CADPS: variants seen among roughly 807,000 people sequenced by gnomAD.
CADPS encodes the protein calcium-dependent secretion activator 1.
In CADPS, 57 loss-of-function variants were observed where a neutral mutation model predicts 167.3. The ratio of observed to expected loss-of-function variants is 0.34; its 90% CI spans 0.28 to 0.42. CADPS has a LOEUF of 0.42. CADPS is among the 20% of genes least tolerant of loss of function. CADPS has a pLI of 1.00. For synonymous variants in CADPS, 676 were observed against 635.3 expected (o/e 1.06, Z -0.96); for missense variants, 1,414 against 1,738.1 (o/e 0.81, Z 3.32).
At chr3:62,541,423 A>C (rs577446944) in intron 11 of CADPS, among the ~76,000 whole-genome samples, 1 of 152,284 alleles carries the variant, frequency 6.6e-6, no homozygotes, top group Admixed American at 6.5e-5. Flanking sequence ...ACTGACTTCA[A>C]ACTAAGCTTG....
In CADPS at chr3:62,651,000, G is replaced by A. The variant is rs2069971647; in HGVS notation, c.1050C>T (p.Leu350=). The A allele has an allele frequency of 6.2e-7, 1 of 1,614,046 alleles. No individual in the cohort carries two copies. Among genetic ancestry groups the A allele is most frequent in the Non-Finnish European group, 8.5e-7 (1 of 1,180,004 alleles). Reference sequence around the variant, plus strand: ...CCGGCATGCTCTCCAAGTTGGCCATGAGCAGGTTGACAGATGACTTCAGCT... The same window carrying A: ...CCGGCATGCTCTCCAAGTTGGCCATAAGCAGGTTGACAGATGACTTCAGCT... ...IEELKSSVNL[L]MANLESMPVS... is the part of the protein sequence containing the mutation. Residue 350 remains leucine (L), a synonymous_variant, in exon 5 of 30, where the codon CTC becomes CTT. Coordinates refer to ENST00000383710, the MANE Select transcript of CADPS (RefSeq NM_003716.4).
chr3:62,417,504 T>C (rs1389056700), intron 28 of CADPS, among the ~76,000 whole-genome samples: 1 of 151,828 alleles, frequency 6.6e-6, no homozygotes, highest in Admixed American at 6.6e-5. Context: ...AGGCTGGTCT[T>C]GAACTCCTGG....
chr3:62,700,913 C>T (rs35759551), intron 3 of CADPS, among the ~76,000 whole-genome samples: 12,058 of 152,116 alleles, frequency 0.079, 631 homozygotes, highest in Non-Finnish European at 0.12. Context: ...CTGGAAGTCT[C>T]AGCCCAGGCT....
At position 62,704,864 on chromosome 3, in the gene CADPS, A is replaced by T. The variant is rs561925519; in HGVS notation, c.889-42470T>A. 1.3e-5 allele frequency among the ~76,000 whole-genome samples: 2 copies of T among 152,168 alleles called. 1 individual carries two copies. The highest frequency in any genetic ancestry group is 4.8e-5 in the African/African-American group (2 of 41,488). On this transcript the variant is annotated intron_variant, in intron 3 of 29. Transcript: ENST00000383710. Reference sequence around the variant, plus strand: ...GACAACTTTCCAAATCAATTAACGAATCACAGCATGGAAAGATCTCTTTCC... The same window carrying T: ...GACAACTTTCCAAATCAATTAACGATTCACAGCATGGAAAGATCTCTTTCC...
intron 6 of CADPS, among the ~76,000 whole-genome samples, chr3:62,636,362 C>T (rs114580547): frequency 2.3e-3 from 355 of 152,254 alleles, no homozygotes; most frequent in African/African-American, 8.2e-3. Flanking sequence ...ATGTTTCCAC[C>T]CAGACTGCAG....
chr3:62,412,628 G>C lies in CADPS; in HGVS notation c.3778-9443C>G, dbSNP rs1017721665. Among the ~76,000 whole-genome samples the C allele has an allele frequency of 1.3e-5, 2 of 152,036 alleles. No homozygotes were observed. The highest frequency in any genetic ancestry group is 4.8e-5 in the African/African-American group (2 of 41,406). ...AAAATGTGTAATAAGTAATTCTTTA[G>C]CATCAAAATTTCTAACGAATGATTA... On this transcript the variant is annotated intron_variant, in intron 28 of 29. Transcript: ENST00000383710. This position sits in a 1 kb window ranked among gnomAD's most constrained non-coding sequence, Gnocchi z 4.1.
At chr3:62,517,638 T>C (rs2069326059) in intron 14 of CADPS, among the ~76,000 whole-genome samples, 1 of 152,164 alleles carries the variant, frequency 6.6e-6, no homozygotes, top group South Asian at 2.1e-4. Flanking sequence ...AAGTGGGCTA[T>C]GTGATGTAAG....
At chr3:62,627,870 AT>A (rs2064414180) in intron 6 of CADPS, among the ~76,000 whole-genome samples, 3 of 152,120 alleles carry the variant, frequency 2.0e-5, no homozygotes, top group African/African-American at 7.2e-5. Flanking sequence ...AAGCCATTAT[AT>A]TTGAGGTCTC....
rs180994302 is a variant in CADPS, at chr3:62,731,350, T to C, written c.888+22091A>G. Among the ~76,000 whole-genome samples the C allele has an allele frequency of 5.9e-5, 9 of 152,142 alleles. No homozygotes were observed. In the East Asian group the frequency reaches 1.7e-3, roughly 29 times the overall value. Reference sequence around the variant, plus strand: ...GGAGCTGAGAGGGATGGCATAGAGGTGTAAGGCTGCTGCCTACTTTGGAGG... The same window carrying C: ...GGAGCTGAGAGGGATGGCATAGAGGCGTAAGGCTGCTGCCTACTTTGGAGG... On this transcript the variant is annotated intron_variant, in intron 3 of 29. Transcript: ENST00000383710.
At chr3:62,654,787 A>C (rs1165226018) in intron 4 of CADPS, among the ~76,000 whole-genome samples, 1 of 152,128 alleles carries the variant, frequency 6.6e-6, no homozygotes, top group Non-Finnish European at 1.5e-5. Context: ...GAACTTGGTA[A>C]GTGGGGAATT....
At chr3:62,787,676 C>T (rs901275722) in intron 1 of CADPS, among the ~76,000 whole-genome samples, 25 of 152,188 alleles carry the variant, frequency 1.6e-4, no homozygotes, top group South Asian at 6.2e-4. Flanking sequence ...GATTAAGGGT[C>T]TTCATTTTGG....
At chr3:62,681,587 C>T (rs1506750) in intron 3 of CADPS, among the ~76,000 whole-genome samples, 1 of 151,882 alleles carries the variant, frequency 6.6e-6, no homozygotes, top group Non-Finnish European at 1.5e-5. Flanking sequence ...CTTCTGAGGG[C>T]AGAAACTATA....
rs1446730517 is a variant in CADPS at position 62,585,269 on chromosome 3, G to A, written c.1493C>T (p.Thr498Ile). The A allele has an allele frequency of 1.2e-6, 2 of 1,613,830 alleles. No individual in the cohort carries two copies. Among genetic ancestry groups the A allele is most frequent in the Non-Finnish European group, 1.7e-6 (2 of 1,179,864 alleles). Residue 498 changes from threonine (T) to isoleucine (I), a missense_variant, in exon 8 of 30, where the codon ACA (threonine) becomes ATA (isoleucine). Around this residue, in one of 6 missense-constraint regions of CADPS, gnomAD observed 157 missense variants for 229.4 expected, o/e 0.68. Transcript: ENST00000383710. ...TTGGTCGGGGCAGTTTTTGGAGACT[G>A]TCATTTTGTGCCACTCTGACTGTTT... The part of the protein sequence containing the change: ...SPKQSEWHKM[T>I]VSKNCPDQDL...
At chr3:62,716,429 C>A (rs190747001) in intron 3 of CADPS, among the ~76,000 whole-genome samples, 62 of 152,258 alleles carry the variant, frequency 4.1e-4, no homozygotes, top group Non-Finnish European at 7.8e-4. Context: ...AGGGTTCAGA[C>A]CTAAATGATA....
intron 5 of CADPS, among the ~76,000 whole-genome samples, chr3:62,648,761 C>T (rs1348936576): frequency 6.7e-6 from 1 of 149,184 alleles, no homozygotes; most frequent in Non-Finnish European, 1.5e-5. Flanking sequence ...ACCACTTTCC[C>T]CCCGTTTCTG....
intron 8 of CADPS, among the ~76,000 whole-genome samples, chr3:62,583,473 G>C (rs1459425194): frequency 6.6e-6 from 1 of 152,136 alleles, no homozygotes; most frequent in Admixed American, 6.6e-5. Context: ...TTTAATCGAA[G>C]AAAACCTGGT....
intron 21 of CADPS, among the ~76,000 whole-genome samples, chr3:62,488,342 C>T (rs2063149932): frequency 6.6e-6 from 1 of 152,170 alleles, no homozygotes; most frequent in Non-Finnish European, 1.5e-5. Context: ...CATAACATGT[C>T]TCCAAGCTCT....
rs975338222 is a variant in CADPS at position 62,697,554 on chromosome 3, C to T, written c.889-35160G>A. 3.3e-5 allele frequency among the ~76,000 whole-genome samples: 5 copies of T among 152,058 alleles called. 1 individual carries two copies. The highest frequency in any genetic ancestry group is 1.2e-4 in the African/African-American group (5 of 41,366). On this transcript the variant is annotated intron_variant, in intron 3 of 29. Coordinates refer to ENST00000383710, the MANE Select transcript of CADPS (RefSeq NM_003716.4). Reference sequence around the variant, plus strand: ...CATATTTTTGCAGTTGTGGATCATGCTGCTATAAACATACGTGTGCAAGCG... The same window carrying T: ...CATATTTTTGCAGTTGTGGATCATGTTGCTATAAACATACGTGTGCAAGCG...
intron 14 of CADPS, 101 bp from the exon 15 acceptor site, chr3:62,516,744 A>G: frequency 1.2e-6 from 1 of 803,674 alleles, no homozygotes; most frequent in Non-Finnish European, 2.1e-6. Context: ...AGGAATGGAA[A>G]ATGCTTTTTA....
Sources: gnomAD v4.1 joint callset for allele counts (sites outside exome capture counted in the v4.1 genomes callset) on GRCh38, gnomAD v4.1.1 for gene constraint, gnomAD v4.1.1 regional missense constraint, Gnocchi (gnomAD v3.1) non-coding constraint, MANE v1.5 for transcripts, NCBI Gene and HGNC (gene_info 2026-07-23, HGNC 2026-07-21) for gene names.